The following GOT2 variants were observed in gnomAD, a reference collection of about 807,000 sequenced individuals.
GOT2 encodes glutamic-oxaloacetic transaminase 2.
A neutral mutation model predicts 50.0 loss-of-function variants in GOT2; 17 were observed. The ratio of observed to expected loss-of-function variants is 0.34; its 90% CI spans 0.23 to 0.51. The LOEUF (loss-of-function observed/expected upper bound fraction) is 0.51, where lower values mean the gene tolerates loss of function less well. Ranked by LOEUF, GOT2 falls within the 20% of genes least tolerant of loss-of-function variation. The pLI, the probability that GOT2 is intolerant of heterozygous loss-of-function variation, is 0.97. For missense variants in GOT2, 430 were observed against 559.6 expected (o/e 0.77, Z 2.34); for synonymous variants, 172 against 204.9 (o/e 0.84, Z 1.37).
chr16:58,726,374 C>T lies in GOT2; in HGVS notation c.90-2472G>A, dbSNP rs533102890. On this transcript the variant is annotated intron_variant, in intron 1 of 9. Coordinates refer to ENST00000245206, the MANE Select transcript of GOT2 (RefSeq NM_002080.4). ...CTAATTTTTGTATTTTTAGTAGAGA[C>T]GGGGTTTCGCCGTGTTGGCCAGGCT... is the stretch of plus-strand genomic sequence containing the variant. Among the ~76,000 whole-genome samples, 6 of 152,144 alleles carry T rather than the reference C, an allele frequency of 3.9e-5. No homozygotes were observed. The East Asian group carries it at 7.7e-4, about 20-fold the overall frequency.
At chr16:58,710,047 G>A (rs191972127) in intron 8 of GOT2, among the ~76,000 whole-genome samples, 2 of 152,146 alleles carry the variant, frequency 1.3e-5, no homozygotes, top group Non-Finnish European at 2.9e-5. Context: ...ATGTTTGGTA[G>A]GTTAAGTGTA....
chr16:58,716,567 C>CAA (rs923984565), intron 7 of GOT2, 96 bp downstream of exon 7: 69 of 812,960 alleles, frequency 8.5e-5, no homozygotes, highest in South Asian at 6.9e-4. Flanking sequence ...TGGACACACA[C>CAA]ACACACACAC....
In GOT2 at chr16:58,719,221, G is replaced by A. The variant is rs2044720697; in HGVS notation, c.410C>T (p.Ala137Val). Reference protein sequence around the residue: ...VTVQTISGTGALRIGASFLQR... With the variant: ...VTVQTISGTGVLRIGASFLQR... Reference sequence around the variant, plus strand: ...CAGAAAACTGGCTCCGATCCTTAAGGCTCCAGTTCCAGAAATGGTCTGCAC... The same window carrying A: ...CAGAAAACTGGCTCCGATCCTTAAGACTCCAGTTCCAGAAATGGTCTGCAC... The change falls in exon 4 of 10, where the codon GCC (alanine) becomes GTC (valine). Residue 137 changes from alanine to valine, a missense_variant. By Grantham distance (64) the Ala-to-Val change is moderately conservative (BLOSUM62 0). Transcript: ENST00000245206. 6.2e-7 allele frequency: 1 copy of A among 1,613,130 alleles called. No individual in the cohort carries two copies. Among genetic ancestry groups the A allele is most frequent in the African/African-American group, 1.3e-5 (1 of 74,884 alleles).
chr16:58,718,197 T>A lies in GOT2; in HGVS notation c.701A>T (p.Lys234Met), dbSNP rs771250625. Residue 234 changes from lysine (K) to methionine (M), a missense_variant and splice_region_variant, in exon 6 of 10, where the codon AAG becomes ATG. Transcript: ENST00000245206. The stretch of plus-strand genomic sequence containing the variant: ...CGCCAGTGAGTTCATCGTCCTCACC[T>A]TCACCACTGTTGCTATTTCCTTCCA... The part of the protein sequence containing the change: ...EQWKEIATVV[K>M]KRNLFAFFDM... The A allele has an allele frequency of 1.2e-6, 2 of 1,607,156 alleles. No homozygotes were observed. The highest frequency in any genetic ancestry group is 2.2e-5 in the South Asian group (2 of 90,918).
At chr16:58,714,014 T>C (rs1426983952) in intron 8 of GOT2, among the ~76,000 whole-genome samples, 1 of 152,206 alleles carries the variant, frequency 6.6e-6, no homozygotes, top group Non-Finnish European at 1.5e-5. Flanking sequence ...AGCAGTGTTT[T>C]CTAAATTATG....
At chr16:58,714,873 C>T (rs2044679438) in intron 8 of GOT2, among the ~76,000 whole-genome samples, 1 of 151,982 alleles carries the variant, frequency 6.6e-6, no homozygotes, top group Admixed American at 6.6e-5. Flanking sequence ...GATGGGGTTT[C>T]AGTATGTTGC....
chr16:58,730,372 C>G (rs570438259), intron 1 of GOT2, among the ~76,000 whole-genome samples: 1 of 137,054 alleles, frequency 7.3e-6, no homozygotes, highest in East Asian at 2.1e-4. Context: ...GTCTGTTGTT[C>G]CCCTCCTAGA....
intron 1 of GOT2, among the ~76,000 whole-genome samples, chr16:58,727,734 G>A (rs1286027021): frequency 6.6e-6 from 1 of 152,176 alleles, no homozygotes; most frequent in East Asian, 1.9e-4. Flanking sequence ...CTTCCCAGAG[G>A]ACGTGACTTA....
At chr16:58,733,271 C>A (rs1337402338) in intron 1 of GOT2, among the ~76,000 whole-genome samples, 1 of 152,064 alleles carries the variant, frequency 6.6e-6, no homozygotes, top group East Asian at 1.9e-4. Flanking sequence ...CGCCACAGTA[C>A]GAAATTACGT....
chr16:58,722,301 A>C, intron 2 of GOT2, 23 bp from the exon 3 acceptor site: 1 of 1,609,960 alleles, frequency 6.2e-7, no homozygotes, highest in Non-Finnish European at 8.5e-7. Context: ...AAATACATCC[A>C]TTGAATTTCT....
chr16:58,708,494 A>T lies in GOT2; in HGVS notation c.1171-201T>A, dbSNP rs866839054. The stretch of plus-strand genomic sequence containing the variant: ...GTGGCTCACACTTGTAATCCCAGCT[A>T]TTCAGGAGGCTAAGGCAGGAGAATA... On this transcript the variant is annotated intron_variant, in intron 9 of 9. Coordinates refer to ENST00000245206, the MANE Select transcript of GOT2 (RefSeq NM_002080.4). Among the ~76,000 whole-genome samples, 36 of 152,168 alleles carry T rather than the reference A, an allele frequency of 2.4e-4. No homozygotes were observed. The Middle Eastern group carries it at 0.014, about 58-fold the overall frequency.
rs879316279 is a variant in GOT2, at chr16:58,716,585, CA to C, written c.853+77del. On this transcript the variant is annotated intron_variant, in intron 7 of 9. Transcript: ENST00000245206. ...ACACACACACACACACACACACACA[CA>C]CACCCACAAGCTCTATGCCCTCGTG... 7.0e-4 allele frequency: 874 copies of C among 1,247,168 alleles called. 2 individuals carry two copies. Among genetic ancestry groups the C allele is most frequent in the East Asian group, 4.6e-3 (196 of 42,624 alleles). The allele number at this position is 1,247,168 out of a possible 1,614,324, so 77.3% of individuals were successfully genotyped here.
chr16:58,720,578 A>AT (rs567374817), intron 3 of GOT2, among the ~76,000 whole-genome samples: 8,509 of 141,018 alleles, frequency 0.06, 519 homozygotes, highest in African/African-American at 0.16. Context: ...AGGCACAACA[A>AT]TTTTTTTTTT....
rs1430765874 is a variant in GOT2, at chr16:58,718,357, T to C, written c.598-57A>G. 3 of 1,455,266 alleles carry C rather than the reference T, an allele frequency of 2.1e-6. No individual in the cohort carries two copies. In the African/African-American group the frequency reaches 4.2e-5, roughly 20 times the overall value. The allele number at this position is 1,455,266 out of a possible 1,614,324, so 90.1% of individuals were successfully genotyped here. On this transcript the variant is annotated intron_variant, in intron 5 of 9. Coordinates refer to ENST00000245206, the MANE Select transcript of GOT2 (RefSeq NM_002080.4). ...GCAGCTTTAAAGGAAATGGTTTATC[T>C]GAAATGCCACAGGATCGTCATCATT...
chr16:58,716,557 TGGAC>T, intron 7 of GOT2, 102 bp downstream of exon 7: 1 of 818,702 alleles, frequency 1.2e-6, no homozygotes, highest in Non-Finnish European at 1.8e-6. Flanking sequence ...TGGACATGGA[TGGAC>T]ACACACACAC....
At chr16:58,722,378 CT>C (rs201378558) in intron 2 of GOT2, 100 bp from the exon 3 acceptor site, 10,425 of 1,063,946 alleles carry the variant, frequency 9.8e-3, no homozygotes, top group Middle Eastern at 0.012. Context: ...GAGGTAAAGT[CT>C]TTTTTTTTTG....
In GOT2 at chr16:58,716,738, C is replaced by A. The variant is rs1203981006; in HGVS notation, c.778G>T (p.Ala260Ser). 1.2e-6 allele frequency: 2 copies of A among 1,613,762 alleles called. No homozygotes were observed. The highest frequency in any genetic ancestry group is 2.7e-5 in the African/African-American group (2 of 75,024). ...ASGDGDKDAWAVRHFIEQGIN... is the reference protein window; with the variant it reads ...ASGDGDKDAWSVRHFIEQGIN... ...CCCTGTTCGATGAAGTGGCGCACAG[C>A]CCAGGCATCCTTATCACCATCACCA... The change falls in exon 7 of 10, where the codon GCT becomes TCT. Residue 260 changes from alanine (A) to serine (S), a missense_variant. Coordinates refer to ENST00000245206, the MANE Select transcript of GOT2 (RefSeq NM_002080.4).
chr16:58,709,293 CAAAA>C, intron 9 of GOT2, 120 bp downstream of exon 9: 3 of 867,058 alleles, frequency 3.5e-6, no homozygotes, highest in Non-Finnish European at 5.1e-6. Flanking sequence ...CAAAACAAAA[CAAAA>C]CAAAACAAAA....
At chr16:58,727,343 A>G (rs1364973824) in intron 1 of GOT2, among the ~76,000 whole-genome samples, 1 of 151,528 alleles carries the variant, frequency 6.6e-6, no homozygotes, top group Non-Finnish European at 1.5e-5. Flanking sequence ...TTAGTCATTA[A>G]TGACTTCACC....
Sources: allele counts gnomAD v4.1 joint callset (sites outside exome capture counted in the v4.1 genomes callset), GRCh38; gene constraint gnomAD v4.1.1; transcripts MANE v1.5; gene names NCBI Gene and HGNC (gene_info 2026-07-23, HGNC 2026-07-21).